GLIPR1L2: variants seen among roughly 807,000 people sequenced by gnomAD.
GLIPR1L2 encodes GLIPR1 like 2.
GLIPR1L2 carries 21 observed loss-of-function variants against 28.4 expected under a neutral mutation model. The observed-to-expected ratio is 0.74, with a 90% CI of 0.52 to 1.06. The LOEUF is 1.06. Among genes scored for constraint, GLIPR1L2 ranks in the 50% least tolerant of loss-of-function variants. The pLI, the probability that GLIPR1L2 is intolerant of heterozygous loss-of-function variation, is 0.00. For missense variants in GLIPR1L2, 476 were observed against 416.9 expected (o/e 1.14, Z -1.23); for synonymous variants, 145 against 139.3 (o/e 1.04, Z -0.29).
At chr12:75,423,012 G>T (rs1287247043) in intron 4 of GLIPR1L2, 23 bp downstream of exon 4, 2 of 1,606,024 alleles carry the variant, frequency 1.2e-6, no homozygotes, top group Non-Finnish European at 8.5e-7. Context: ...AAATAAACAT[G>T]AAAAAAATGC....
At chr12:75,391,608 G>T in intron 1 of GLIPR1L2, 1 of 1,179,314 alleles carries the variant, frequency 8.5e-7, no homozygotes, top group South Asian at 1.4e-5. Context: ...TTTTAAGGGG[G>T]CGCCAATTCA....
At chr12:75,400,275 C>T (rs1316475939) in intron 1 of GLIPR1L2, among the ~76,000 whole-genome samples, 8 of 152,052 alleles carry the variant, frequency 5.3e-5, no homozygotes, top group African/African-American at 1.4e-4. Flanking sequence ...CCTGCCACCA[C>T]GCCCGGCTAA....
intron 5 of GLIPR1L2, 29 bp downstream of exon 5, chr12:75,430,770 A>G (rs2046083486): frequency 8.5e-6 from 13 of 1,534,316 alleles, no homozygotes; most frequent in Non-Finnish European, 1.1e-5. Context: ...TATTTCTTGA[A>G]CAATTGAACT....
intron 1 of GLIPR1L2, among the ~76,000 whole-genome samples, chr12:75,394,283 AT>A (rs1283453467): frequency 6.6e-6 from 1 of 151,974 alleles, no homozygotes; most frequent in African/African-American, 2.4e-5. Flanking sequence ...ATAATTTATC[AT>A]TTTTTGTTGT....
Position 75,413,610 on chromosome 12 carries a change from C to T in GLIPR1L2, c.493C>T (p.His165Tyr). 6.5e-7 allele frequency: 1 copy of T among 1,540,986 alleles called. No individual in the cohort carries two copies. The highest frequency in any genetic ancestry group is 8.7e-7 in the Non-Finnish European group (1 of 1,148,192). Residue 165 changes from histidine (H) to tyrosine (Y), a missense_variant, in exon 3 of 6, where the codon CAC (histidine) becomes TAC (tyrosine). By Grantham distance (83) the His-to-Tyr change is moderately conservative (BLOSUM62 2). Coordinates refer to ENST00000550916, the MANE Select transcript of GLIPR1L2 (RefSeq NM_001270396.2). Reference protein sequence around the residue: ...CSNYIQLVWDHSYKVGCAVTP... With the variant: ...CSNYIQLVWDYSYKVGCAVTP... The stretch of plus-strand genomic sequence containing the variant: ...AATTTTATTTTAGCTTGTTTGGGAC[C>T]ACTCTTACAAAGTTGGTTGTGCTGT...
chr12:75,427,621 A>G (rs2046047074), intron 4 of GLIPR1L2, among the ~76,000 whole-genome samples: 1 of 152,306 alleles, frequency 6.6e-6, no homozygotes, highest in South Asian at 2.1e-4. Context: ...AGGATTGGTT[A>G]TCTGACCATC....
intron 3 of GLIPR1L2, 91 bp from the exon 4 acceptor site, chr12:75,422,813 C>G: frequency 9.5e-7 from 1 of 1,052,158 alleles, no homozygotes; most frequent in East Asian, 2.7e-5. Flanking sequence ...GCCTTTTTAA[C>G]CTGATTAAAA....
chr12:75,429,881 G>T (rs1490721320), intron 4 of GLIPR1L2, among the ~76,000 whole-genome samples: 2 of 151,296 alleles, frequency 1.3e-5, no homozygotes, highest in Non-Finnish European at 2.9e-5. Context: ...CCTGAGGCCT[G>T]CCCAGCTATG....
intron 1 of GLIPR1L2, among the ~76,000 whole-genome samples, chr12:75,409,330 A>G (rs1156953740): frequency 6.6e-6 from 1 of 151,766 alleles, no homozygotes; most frequent in Non-Finnish European, 1.5e-5. Flanking sequence ...TTTCACCACT[A>G]TTTTGTTGAT....
In GLIPR1L2 at chr12:75,430,812, C is replaced by A; in HGVS notation, c.698-12C>A. On this transcript the variant is annotated splice_polypyrimidine_tract_variant and intron_variant, in intron 5 of 5. Coordinates refer to ENST00000550916, the MANE Select transcript of GLIPR1L2 (RefSeq NM_001270396.2). ...TATGAAATCCAGCTTTCAATTGCTT[C>A]TTTGTTTACAGATTACCGATTTTGG... 6.5e-7 allele frequency: 1 copy of A among 1,533,064 alleles called. No individual in the cohort carries two copies. The highest frequency in any genetic ancestry group is 8.7e-7 in the Non-Finnish European group (1 of 1,145,628). The allele number at this position is 1,533,064 out of a possible 1,614,324, so 95.0% of individuals were successfully genotyped here.
intron 1 of GLIPR1L2, among the ~76,000 whole-genome samples, chr12:75,394,762 G>T (rs865916103): frequency 8.1e-5 from 2 of 24,762 alleles, no homozygotes; most frequent in East Asian, 1.1e-3. Flanking sequence ...TTGTATTTCT[G>T]CAAAAAAAAA....
intron 1 of GLIPR1L2, among the ~76,000 whole-genome samples, chr12:75,393,346 T>G (rs1593994458): frequency 6.6e-6 from 1 of 152,028 alleles, no homozygotes; most frequent in Non-Finnish European, 1.5e-5. Context: ...TCTCCAAAAT[T>G]TTTTCGTCTT....
Position 75,431,300 on chromosome 12 carries a change from T to TA in GLIPR1L2, c.*140dup. On this transcript the variant is annotated 3_prime_UTR_variant, in exon 6 of 6. Transcript: ENST00000550916. ...TGCAAACCACCATTGGAATGTTTTT[T>TA]ATTCCCTTCTCTCCTATACTTATTC... The TA allele has an allele frequency of 1.7e-6, 1 of 581,660 alleles. No individual in the cohort carries two copies. 36.0% of individuals were successfully genotyped at this position (581,660 alleles called of 1,614,324 possible).
chr12:75,429,934 C>CTTT (rs113964308), intron 4 of GLIPR1L2, among the ~76,000 whole-genome samples: 1 of 128,582 alleles, frequency 7.8e-6, no homozygotes, highest in Non-Finnish European at 1.7e-5. Context: ...CTTTTCTTTT[C>CTTT]TTTCTTTTTT....
intron 4 of GLIPR1L2, among the ~76,000 whole-genome samples, chr12:75,427,353 A>C (rs1185921705): frequency 6.6e-6 from 1 of 152,194 alleles, no homozygotes; most frequent in Non-Finnish European, 1.5e-5. Context: ...AGAAAATACA[A>C]ACTATATGAC....
intron 1 of GLIPR1L2, among the ~76,000 whole-genome samples, chr12:75,398,233 G>A (rs973520771): frequency 6.8e-6 from 1 of 146,828 alleles, no homozygotes; most frequent in Non-Finnish European, 1.5e-5. Context: ...GAAGGCTGAG[G>A]CAGGAGAATC....
chr12:75,428,953 G>A (rs1312945536), intron 4 of GLIPR1L2, among the ~76,000 whole-genome samples: 1 of 152,246 alleles, frequency 6.6e-6, no homozygotes, highest in African/African-American at 2.4e-5. Context: ...GGAAACACCT[G>A]GATGTCCAGG....
intron 1 of GLIPR1L2, among the ~76,000 whole-genome samples, chr12:75,398,172 A>T (rs1198602079): frequency 1.3e-5 from 2 of 151,862 alleles, no homozygotes; most frequent in East Asian, 3.9e-4. Context: ...CCTACTAACA[A>T]TACAAAAATT....
intron 1 of GLIPR1L2, among the ~76,000 whole-genome samples, chr12:75,408,674 A>T (rs1201492970): frequency 6.6e-6 from 1 of 152,046 alleles, no homozygotes; most frequent in East Asian, 1.9e-4. Context: ...GCGGAATACT[A>T]TGCAGACCAT....
Sources: gnomAD v4.1 joint callset for allele counts (sites outside exome capture counted in the v4.1 genomes callset) on GRCh38, gnomAD v4.1.1 for gene constraint, MANE v1.5 for transcripts, NCBI Gene and HGNC (gene_info 2026-07-23, HGNC 2026-07-21) for gene names.